ANKRD28: variants seen among roughly 807,000 people sequenced by gnomAD.
The protein encoded by ANKRD28 is ankyrin repeat domain 28.
A neutral mutation model predicts 126.5 loss-of-function variants in ANKRD28; 44 were observed. The observed-to-expected ratio is 0.35, with a 90% CI of 0.27 to 0.45. The LOEUF is 0.45. ANKRD28 is among the 20% of genes least tolerant of loss of function. The pLI is 1.00. For missense variants in ANKRD28, 1,110 were observed against 1,316.6 expected, an observed-to-expected ratio of 0.84 and a Z score of 2.43; for synonymous variants, 442 against 468.5, an observed-to-expected ratio of 0.94 and a Z score of 0.73.
At chr3:15,776,110 C>A (rs2125646615) in intron 2 of ANKRD28, among the ~76,000 whole-genome samples, 1 of 152,322 alleles carries the variant, frequency 6.6e-6, no homozygotes, top group Non-Finnish European at 1.5e-5. Context: ...GGAAACTGGA[C>A]TATGTCCAAA....
intron 4 of ANKRD28, among the ~76,000 whole-genome samples, chr3:15,751,437 G>A (rs759142440): frequency 2.0e-5 from 3 of 152,138 alleles, no homozygotes; most frequent in Non-Finnish European, 4.4e-5. Flanking sequence ...TGAAACCTTT[G>A]TAAGAGACTA....
intron 1 of ANKRD28, among the ~76,000 whole-genome samples, chr3:15,844,701 G>T (rs1328227622): frequency 6.6e-6 from 1 of 152,112 alleles, no homozygotes. Context: ...TCTCCGTATT[G>T]ATAATCTGTA....
At chr3:15,834,401 G>C (rs2061275725) in intron 1 of ANKRD28, among the ~76,000 whole-genome samples, 1 of 152,034 alleles carries the variant, frequency 6.6e-6, no homozygotes, top group South Asian at 2.1e-4. Context: ...TTTTGTTCCA[G>C]TAATATATAT....
At chr3:15,690,334 T>A (rs1409209387) in intron 17 of ANKRD28, 114 bp from the exon 18 acceptor site, 1 of 840,894 alleles carries the variant, frequency 1.2e-6, no homozygotes, top group Non-Finnish European at 1.8e-6. Context: ...CTACTTGAGA[T>A]AATCCAAACT....
chr3:15,726,855 C>CA (rs953676728), intron 6 of ANKRD28, among the ~76,000 whole-genome samples: 27 of 152,180 alleles, frequency 1.8e-4, no homozygotes, highest in African/African-American at 6.5e-4. Context: ...GACTTTAAGT[C>CA]AATGCTCATT....
intron 14 of ANKRD28, among the ~76,000 whole-genome samples, chr3:15,704,518 A>G (rs181490759): frequency 1.2e-4 from 18 of 152,304 alleles, no homozygotes; most frequent in African/African-American, 3.8e-4. Context: ...ACCATTTAAA[A>G]AACAAATAAG....
chr3:15,852,922 C>G (rs2061684734), intron 1 of ANKRD28, among the ~76,000 whole-genome samples: 1 of 149,390 alleles, frequency 6.7e-6, no homozygotes, highest in Non-Finnish European at 1.5e-5. Flanking sequence ...CATAATAATT[C>G]TATCCAGACT....
intron 2 of ANKRD28, among the ~76,000 whole-genome samples, chr3:15,768,571 GAGTCCAGGAGCTTGA>G (rs1319272608): frequency 1.3e-5 from 2 of 152,046 alleles, no homozygotes; most frequent in Non-Finnish European, 2.9e-5. Context: ...AGGATGGCTT[GAGTCCAGGAGCTTGA>G]GGCTGCTGTG....
rs994259098 is a variant in ANKRD28 at position 15,838,183 on chromosome 3, T to C, written c.27+21194A>G. 6.6e-6 allele frequency among the ~76,000 whole-genome samples: 1 copy of C among 152,196 alleles called. No homozygotes were observed. Among genetic ancestry groups the C allele is most frequent in the Non-Finnish European group, 1.5e-5 (1 of 68,032 alleles). ...CATAGTTTCTTTCACTGGTGAATTTTACCAAACACTAAAGAAATAATATTA... is the reference window on the plus strand; with the variant it reads ...CATAGTTTCTTTCACTGGTGAATTTCACCAAACACTAAAGAAATAATATTA... On this transcript the variant is annotated intron_variant, in intron 1 of 27. Transcript: ENST00000399451. The surrounding 1 kb of genome is among the most constrained non-coding windows in gnomAD (Gnocchi z 4.0).
At chr3:15,760,822 A>G (rs1284595866) in intron 3 of ANKRD28, among the ~76,000 whole-genome samples, 7 of 152,244 alleles carry the variant, frequency 4.6e-5, no homozygotes, top group Non-Finnish European at 1.0e-4. Flanking sequence ...AAAGCCAGAG[A>G]ATCAATCTTT....
intron 4 of ANKRD28, among the ~76,000 whole-genome samples, chr3:15,746,397 T>C (rs9850475): frequency 1.2e-4 from 19 of 152,226 alleles, no homozygotes; most frequent in African/African-American, 4.6e-4. Context: ...ATGCTGATGT[T>C]GCTGACAGTT....
At chr3:15,689,606 G>A (rs1016073258) in intron 18 of ANKRD28, among the ~76,000 whole-genome samples, 2 of 152,178 alleles carry the variant, frequency 1.3e-5, no homozygotes, top group African/African-American at 4.8e-5. Context: ...ACACTTGTGT[G>A]GGACAGGCTG....
At position 15,724,512 on chromosome 3, in the gene ANKRD28, A is replaced by G. The variant is rs2074016647; in HGVS notation, c.653T>C (p.Val218Ala). 2 of 1,580,396 alleles carry G rather than the reference A, an allele frequency of 1.3e-6. No individual in the cohort carries two copies. Among genetic ancestry groups the G allele is most frequent in the Non-Finnish European group, 8.6e-7 (1 of 1,162,322 alleles). Residue 218 changes from valine to alanine, a missense_variant, in exon 7 of 28, where the codon GTA becomes GCA. Val to Ala is a moderately conservative substitution (Grantham distance 64, BLOSUM62 0). Coordinates refer to ENST00000683139, the MANE Select transcript of ANKRD28 (RefSeq NM_001349278.2). ...HWAAYMGHIE[V>A]VKLLVSHGAE... ...TCCATGCGACACAAGCAATTTCACT[A>G]CTTCAATGTGACCTAAAAATGTGTT...
intron 14 of ANKRD28, among the ~76,000 whole-genome samples, chr3:15,702,651 T>C (rs2070781119): frequency 6.6e-6 from 1 of 152,130 alleles, no homozygotes; most frequent in Admixed American, 6.5e-5. Flanking sequence ...CCCTACTATT[T>C]TGAGTTCTGA....
At chr3:15,780,252 G>C (rs999714923) in intron 2 of ANKRD28, among the ~76,000 whole-genome samples, 2 of 151,988 alleles carry the variant, frequency 1.3e-5, no homozygotes, top group Admixed American at 1.3e-4. Context: ...AAAATCAGTA[G>C]CCTTTCTGTA....
chr3:15,818,070 T>C (rs1214471757), intron 1 of ANKRD28, among the ~76,000 whole-genome samples: 1 of 152,140 alleles, frequency 6.6e-6, no homozygotes, highest in South Asian at 2.1e-4. Flanking sequence ...TTATGTATGC[T>C]GAAAATCACA....
At chr3:15,802,750 G>C (rs1436554690), upstream of ANKRD28, among the ~76,000 whole-genome samples, 2 of 152,070 alleles carry the variant, frequency 1.3e-5, no homozygotes, top group Non-Finnish European at 2.9e-5. Context: ...ATTTTGGTGG[G>C]TACTGTTATC....
At chr3:15,772,999 T>C (rs940194484) in intron 2 of ANKRD28, among the ~76,000 whole-genome samples, 1 of 152,152 alleles carries the variant, frequency 6.6e-6, no homozygotes, top group Non-Finnish European at 1.5e-5. Context: ...CAAAAATGTC[T>C]ACTCTCACCA....
Position 15,670,935 on chromosome 3 carries a change from T to C in ANKRD28, c.2966-379A>G, listed in dbSNP as rs148586520. Reference sequence around the variant, plus strand: ...GAGATTTACTGTTAATTTGCAGTTATATCAGTGTCAAGGTAAGAAAAAATA... The same window carrying C: ...GAGATTTACTGTTAATTTGCAGTTACATCAGTGTCAAGGTAAGAAAAAATA... On this transcript the variant is annotated intron_variant, in intron 27 of 27. Coordinates refer to ENST00000683139, the MANE Select transcript of ANKRD28 (RefSeq NM_001349278.2). Among the ~76,000 whole-genome samples, 14 of 152,340 alleles carry C rather than the reference T, an allele frequency of 9.2e-5. 1 individual carries two copies. The highest frequency in any genetic ancestry group is 3.4e-4 in the African/African-American group (14 of 41,600).
Sources: allele counts gnomAD v4.1 joint callset (sites outside exome capture counted in the v4.1 genomes callset), GRCh38; gene constraint gnomAD v4.1.1; non-coding constraint Gnocchi (gnomAD v3.1); transcripts MANE v1.5; gene names NCBI Gene and HGNC (gene_info 2026-07-23, HGNC 2026-07-21).